ATMIN: variants seen among roughly 807,000 people sequenced by gnomAD.
The protein encoded by ATMIN is ATM interactor.
In ATMIN, 24 loss-of-function variants were observed where a neutral mutation model predicts 49.2. That is an observed-to-expected ratio of 0.49 (90% CI 0.35 to 0.69). The LOEUF (loss-of-function observed/expected upper bound fraction) is 0.69. Among genes scored for constraint, ATMIN ranks in the 30% least tolerant of loss-of-function variants. The pLI, the probability that ATMIN is intolerant of heterozygous loss-of-function variation, is 0.00. For synonymous variants in ATMIN, 450 were observed against 392.5 expected (o/e 1.15, Z -1.73); for missense variants, 1,037 against 1,005.5 (o/e 1.03, Z -0.42).
intron 1 of ATMIN, 140 bp from the exon 2 acceptor site, chr16:81,041,210 TTTTCTC>T: frequency 3.5e-6 from 3 of 855,550 alleles, no homozygotes; most frequent in South Asian, 3.7e-5. Context: ...CTCATACTCT[TTTTCTC>T]TTACTGCTGA....
chr16:81,041,314 GTTT>G lies in ATMIN; in HGVS notation c.337-37_337-35del, dbSNP rs532142263. The G allele has an allele frequency of 8.4e-4, 1,323 of 1,577,806 alleles. 19 individuals are homozygous for G. In the South Asian group the frequency reaches 0.013, roughly 16 times the overall value. On this transcript the variant is annotated intron_variant, in intron 1 of 3. Coordinates refer to ENST00000299575, the MANE Select transcript of ATMIN (RefSeq NM_015251.3). ...CGTTTCCACTCCAGCCTGTTGTGTT[GTTT>G]TTTTGAAATAATAATTTAAAGTAAT...
chr16:81,035,980 G>T lies in ATMIN; in HGVS notation c.110G>T (p.Trp37Leu). 1.8e-6 allele frequency: 2 copies of T among 1,090,836 alleles called. No homozygotes were observed. Among genetic ancestry groups the T allele is most frequent in the East Asian group, 5.4e-5 (1 of 18,690 alleles). The allele number at this position is 1,090,836 out of a possible 1,614,324, so 67.6% of individuals were successfully genotyped here. The change falls in exon 1 of 4, where the codon TGG (tryptophan) becomes TTG (leucine). Residue 37 changes from tryptophan to leucine, a missense_variant. By Grantham distance (61) the Trp-to-Leu change is moderately conservative. Coordinates refer to ENST00000299575, the MANE Select transcript of ATMIN (RefSeq NM_015251.3). ...TGAAAAASGP[W>L]VPPGPRLRGS... ...GCCGCCGCCGCCGCCTCGGGCCCGT[G>T]GGTGCCCCCGGGACCCCGACTGAGG...
chr16:81,040,766 A>G (rs1288133120), intron 1 of ATMIN: 1 of 154,484 alleles, frequency 6.5e-6, no homozygotes, highest in Admixed American at 6.4e-5. Flanking sequence ...AGGTAATGAC[A>G]TGATCGAAGC....
Position 81,046,367 on chromosome 16 carries a change from G to C in ATMIN, c.*1397G>C, listed in dbSNP as rs1567566638. The C allele has an allele frequency of 6.6e-6, 1 of 152,138 alleles. No homozygotes were observed. The highest frequency in any genetic ancestry group is 1.9e-4 in the East Asian group (1 of 5,196). 9.4% of individuals were successfully genotyped at this position (152,138 alleles called of 1,614,324 possible). On this transcript the variant is annotated 3_prime_UTR_variant, in exon 4 of 4. Coordinates refer to ENST00000299575, the MANE Select transcript of ATMIN (RefSeq NM_015251.3). ...TTATCTTTTCTTTGAATAAGAAAAAGTATCTAGCAAGGATATTACTTGTGC... is the reference window on the plus strand; with the variant it reads ...TTATCTTTTCTTTGAATAAGAAAAACTATCTAGCAAGGATATTACTTGTGC...
In ATMIN at chr16:81,042,340, C is replaced by A. The variant is rs555902136; in HGVS notation, c.522C>A (p.Tyr174Ter). The A allele has an allele frequency of 6.2e-7, 1 of 1,614,072 alleles. No homozygotes were observed. Among genetic ancestry groups the A allele is most frequent in the East Asian group, 2.2e-5 (1 of 44,882 alleles). The change falls in exon 3 of 4, where the codon TAC (tyrosine) becomes TAA (stop). Residue 174 changes from tyrosine (Y) to a stop codon, truncating the protein, a stop_gained. Transcript: ENST00000299575. LOFTEE classifies it high-confidence loss of function. ...AATGTAGTAAGTGCAGCAATTCGTA[C>A]GGTACAGAATGGGACCTGAAAAGAC... Reference protein sequence around the residue: ...KHKCSKCSNSYGTEWDLKRHA... With the variant: ...KHKCSKCSNS
rs777257188 is a variant in ATMIN, at chr16:81,045,218, CTT to C, written c.*251_*252del. 3 of 402,618 alleles carry C rather than the reference CTT, an allele frequency of 7.5e-6. No homozygotes were observed. Among genetic ancestry groups the C allele is most frequent in the Non-Finnish European group, 1.2e-5 (3 of 242,632 alleles). The allele number at this position is 402,618 out of a possible 1,614,324, so 24.9% of individuals were successfully genotyped here. Reference sequence around the variant, plus strand: ...CTACATTTGCCTTTTCACAGCTAGTCTTTTCATGTTAAAAAAAAAAATGTATT... The same window carrying C: ...CTACATTTGCCTTTTCACAGCTAGTCTTCATGTTAAAAAAAAAAATGTATT... On this transcript the variant is annotated 3_prime_UTR_variant, in exon 4 of 4. Transcript: ENST00000299575.
At chr16:81,042,672 A>G (rs531467416) in intron 3 of ATMIN, among the ~76,000 whole-genome samples, 192 bp downstream of exon 3, 7 of 152,308 alleles carry the variant, frequency 4.6e-5, no homozygotes, top group East Asian at 3.9e-4. Flanking sequence ...TCTTGACCCA[A>G]TTGTTCCCCC....
chr16:81,035,884 A>AGGCGGCGGC lies in ATMIN; in HGVS notation c.23_31dup (p.Ala8_Ala10dup), dbSNP rs549686381. 7.3e-6 allele frequency: 7 copies of AGGCGGCGGC among 953,596 alleles called. No homozygotes were observed. Among genetic ancestry groups the AGGCGGCGGC allele is most frequent in the Non-Finnish European group, 7.5e-6 (6 of 803,612 alleles). 59.1% of individuals were successfully genotyped at this position (953,596 alleles called of 1,614,324 possible). A position where few individuals can be genotyped will look rare whatever the true frequency, so the allele number is the denominator to read the frequency against. ...CGTGCGGGAGCCATGGCGGCCTCGG[A>AGGCGGCGGC]GGCGGCGGCGGCGGCGGGGTCCGCG... is the stretch of plus-strand genomic sequence containing the variant. On this transcript the variant is annotated inframe_insertion, in exon 1 of 4. Transcript: ENST00000299575.
intron 3 of ATMIN, 73 bp from the exon 4 acceptor site, chr16:81,043,084 TGTAA>T: frequency 7.4e-6 from 11 of 1,495,496 alleles, no homozygotes; most frequent in South Asian, 1.4e-5. Context: ...AAATGGCATT[TGTAA>T]GTGAGGATAG....
chr16:81,043,793 C>T lies in ATMIN; in HGVS notation c.1295C>T (p.Thr432Ile). The T allele has an allele frequency of 6.2e-7, 1 of 1,614,258 alleles. No homozygotes were observed. The highest frequency in any genetic ancestry group is 8.5e-7 in the Non-Finnish European group (1 of 1,180,044). ...TTTATACCTTCTGCACAGTGGGCCA[C>T]TGCTGATTCCTCTGTGTCGTCTTGT... is the stretch of plus-strand genomic sequence containing the variant. ...QNFIPSAQWA[T>I]ADSSVSSCSQ... Residue 432 changes from threonine to isoleucine, a missense_variant, in exon 4 of 4, where the codon ACT (threonine) becomes ATT (isoleucine). Thr to Ile is a moderately conservative substitution (Grantham distance 89, BLOSUM62 -1). Transcript: ENST00000299575.
At chr16:81,038,037 T>G (rs553970372) in intron 1 of ATMIN, among the ~76,000 whole-genome samples, 8 of 152,338 alleles carry the variant, frequency 5.3e-5, no homozygotes, top group African/African-American at 1.9e-4. Flanking sequence ...CTCTAGCTCT[T>G]TAAAGACCCT....
In ATMIN at chr16:81,043,995, A is replaced by G; in HGVS notation, c.1497A>G (p.Glu499=). Residue 499 remains glutamate (E), a synonymous_variant, in exon 4 of 4, where the codon GAA becomes GAG. Transcript: ENST00000299575. ...VSRETQTSGI[E]SPTDDHVQMD... ...GAGAAACTCAAACCAGTGGGATAGA[A>G]AGTCCAACGGATGACCATGTACAGA... The G allele has an allele frequency of 2.5e-6, 4 of 1,614,226 alleles. No homozygotes were observed. The highest frequency in any genetic ancestry group is 3.4e-6 in the Non-Finnish European group (4 of 1,180,036).
Position 81,045,007 on chromosome 16 carries a change from C to G in ATMIN, c.*37C>G. ...GAGTCCATGTGTGAAATGGCATCTA[C>G]CATTTCCTCTGGATTAAAACTACGG... On this transcript the variant is annotated 3_prime_UTR_variant, in exon 4 of 4. Coordinates refer to ENST00000299575, the MANE Select transcript of ATMIN (RefSeq NM_015251.3). 1 of 1,583,976 alleles carries G rather than the reference C, an allele frequency of 6.3e-7. No homozygotes were observed. Among genetic ancestry groups the G allele is most frequent in the East Asian group, 2.2e-5 (1 of 44,500 alleles).
chr16:81,044,458 A>T lies in ATMIN; in HGVS notation c.1960A>T (p.Ser654Cys). The change falls in exon 4 of 4, where the codon AGT becomes TGT. Residue 654 changes from serine (S) to cysteine (C), a missense_variant. Transcript: ENST00000299575. ...AAATATCCAGACTCAAACTGAAGAG[A>T]GTGAACTTAGCACCATGACCACCGA... The part of the protein sequence containing the change: ...ASNIQTQTEE[S>C]ELSTMTTEPV... 2 of 1,613,994 alleles carry T rather than the reference A, an allele frequency of 1.2e-6. No individual in the cohort carries two copies. Among genetic ancestry groups the T allele is most frequent in the Non-Finnish European group, 1.7e-6 (2 of 1,179,972 alleles).
rs1971111050 is a variant in ATMIN, at chr16:81,045,924, G to A, written c.*954G>A. On this transcript the variant is annotated 3_prime_UTR_variant, in exon 4 of 4. Coordinates refer to ENST00000299575, the MANE Select transcript of ATMIN (RefSeq NM_015251.3). ...CTCGAGGAGATTGGGGCTGCCATGA[G>A]CCATGGTCTTGGCACTGTACTCCAA... 1 of 150,850 alleles carries A rather than the reference G, an allele frequency of 6.6e-6. No individual in the cohort carries two copies. The highest frequency in any genetic ancestry group is 1.5e-5 in the Non-Finnish European group (1 of 67,906). 9.3% of individuals were successfully genotyped at this position (150,850 alleles called of 1,614,324 possible).
intron 3 of ATMIN, 36 bp from the exon 4 acceptor site, chr16:81,043,125 T>A: frequency 6.4e-7 from 1 of 1,561,396 alleles, no homozygotes; most frequent in Non-Finnish European, 8.6e-7. Flanking sequence ...AAAGTTGTAT[T>A]TTAAGGTTTT....
chr16:81,044,865 G>A lies in ATMIN; in HGVS notation c.2367G>A (p.Met789Ile), dbSNP rs766816472. ...FFTSNETQTA[M>I]DDFLLADLAW... ...CCAGCAACGAAACTCAGACAGCAAT[G>A]GATGACTTTCTTCTGGCTGATCTGG... Residue 789 changes from methionine to isoleucine, a missense_variant, in exon 4 of 4, where the codon ATG (methionine) becomes ATA (isoleucine). By Grantham distance (10) the Met-to-Ile change is conservative. Coordinates refer to ENST00000299575, the MANE Select transcript of ATMIN (RefSeq NM_015251.3). 6.2e-7 allele frequency: 1 copy of A among 1,614,182 alleles called. No individual in the cohort carries two copies. Among genetic ancestry groups the A allele is most frequent in the East Asian group, 2.2e-5 (1 of 44,876 alleles).
At chr16:81,038,065 C>T (rs1321259428) in intron 1 of ATMIN, among the ~76,000 whole-genome samples, 2 of 152,132 alleles carry the variant, frequency 1.3e-5, no homozygotes, top group Admixed American at 6.5e-5. Context: ...ATCTGTTGAA[C>T]ATAAAGATAC....
chr16:81,039,436 T>A (rs1971003185), intron 1 of ATMIN, among the ~76,000 whole-genome samples: 1 of 152,198 alleles, frequency 6.6e-6, no homozygotes, highest in African/African-American at 2.4e-5. Context: ...CTTCCCTTCT[T>A]AACATAAATG....
Sources: gnomAD v4.1 joint callset for allele counts (sites outside exome capture counted in the v4.1 genomes callset) on GRCh38, gnomAD v4.1.1 for gene constraint, MANE v1.5 for transcripts, NCBI Gene and HGNC (gene_info 2026-07-23, HGNC 2026-07-21) for gene names.